PARD3B: variants seen among roughly 807,000 people sequenced by gnomAD.
PARD3B encodes partitioning defective 3 homolog B.
Under a neutral mutation model 130.2 loss-of-function variants are expected in PARD3B, and 103 were observed. The ratio of observed to expected loss-of-function variants is 0.79; its 90% CI spans 0.67 to 0.93. PARD3B has a LOEUF of 0.93. Ranked by LOEUF, PARD3B falls within the 40% of genes least tolerant of loss-of-function variation. The pLI is 0.00. For missense variants in PARD3B, 1,609 were observed against 1,499.2 expected, an observed-to-expected ratio of 1.07 and a Z score of -1.21; for synonymous variants, 583 against 553.2, an observed-to-expected ratio of 1.05 and a Z score of -0.76.
chr2:205,452,770 C>G (rs930321627), intron 20 of PARD3B, among the ~76,000 whole-genome samples: 4 of 152,100 alleles, frequency 2.6e-5, no homozygotes, highest in Admixed American at 1.3e-4. Flanking sequence ...CCAGGGGTGA[C>G]AGATGTAGAC....
chr2:205,077,570 T>G (rs951688703), intron 4 of PARD3B, among the ~76,000 whole-genome samples: 1 of 152,198 alleles, frequency 6.6e-6, no homozygotes, highest in South Asian at 2.1e-4. Flanking sequence ...TCTCTGTTAC[T>G]TGAAGAAGCC....
intron 22 of PARD3B, among the ~76,000 whole-genome samples, chr2:205,601,936 G>A (rs1208759359): frequency 1.3e-5 from 2 of 152,176 alleles, no homozygotes; most frequent in East Asian, 3.8e-4. Flanking sequence ...GTGAGAGGGG[G>A]CATCCTTGTC....
At chr2:204,772,632 CAGAT>C (rs2041436541) in intron 2 of PARD3B, among the ~76,000 whole-genome samples, 1 of 152,034 alleles carries the variant, frequency 6.6e-6, no homozygotes, top group Non-Finnish European at 1.5e-5. Context: ...GAAGCAGTAA[CAGAT>C]AGGATTTAGG....
chr2:205,608,524 G>A lies in PARD3B; in HGVS notation c.3261-6932G>A, dbSNP rs142128003. 3.3e-3 allele frequency among the ~76,000 whole-genome samples: 509 copies of A among 152,180 alleles called. 4 individuals are homozygous for A. Among genetic ancestry groups the A allele is most frequent in the African/African-American group, 0.011 (455 of 41,522 alleles). On this transcript the variant is annotated intron_variant, in intron 22 of 22. Coordinates refer to ENST00000406610, the MANE Select transcript of PARD3B (RefSeq NM_001302769.2). The stretch of plus-strand genomic sequence containing the variant: ...TTGCATGACTGTTTTTTGTGGCCGC[G>A]CAGGATAGCTTCTGCCTTCCCCAAG...
At chr2:204,716,668 G>A (rs993655074) in intron 2 of PARD3B, among the ~76,000 whole-genome samples, 1 of 148,574 alleles carries the variant, frequency 6.7e-6, no homozygotes, top group Non-Finnish European at 1.5e-5. Flanking sequence ...TGTCGCCCAG[G>A]CTGGAGTACA....
intron 2 of PARD3B, among the ~76,000 whole-genome samples, chr2:204,833,049 T>C (rs949279168): frequency 6.6e-6 from 1 of 152,184 alleles, no homozygotes; most frequent in African/African-American, 2.4e-5. Flanking sequence ...ATTTATAACA[T>C]TGAAAATACC....
At chr2:205,209,004 A>T (rs2037476369) in intron 15 of PARD3B, among the ~76,000 whole-genome samples, 1 of 126,262 alleles carries the variant, frequency 7.9e-6, no homozygotes, top group South Asian at 2.7e-4. Context: ...ACAGCATGGT[A>T]CTGGTACCAA....
chr2:205,156,298 A>G (rs1360982450), intron 10 of PARD3B, among the ~76,000 whole-genome samples: 15 of 150,908 alleles, frequency 9.9e-5, no homozygotes, highest in South Asian at 6.3e-4. Context: ...GCATTAGGAG[A>G]TATACCTAAT....
chr2:205,340,422 C>G (rs1511874), intron 18 of PARD3B, among the ~76,000 whole-genome samples: 90,295 of 151,834 alleles, frequency 0.59, 30,534 homozygotes, highest in South Asian at 0.77. Context: ...CAATGGAACA[C>G]AATAGAGAAC....
chr2:204,986,779 A>G (rs1012754916), intron 3 of PARD3B, among the ~76,000 whole-genome samples: 1 of 152,190 alleles, frequency 6.6e-6, no homozygotes, highest in Non-Finnish European at 1.5e-5. Flanking sequence ...CGCTTGATGG[A>G]CAGCATTCTT....
At chr2:204,874,814 A>G (rs2045771898) in intron 2 of PARD3B, among the ~76,000 whole-genome samples, 1 of 152,200 alleles carries the variant, frequency 6.6e-6, no homozygotes, top group African/African-American at 2.4e-5. Context: ...CTACAAGTGC[A>G]TATAAAAGGA....
intron 18 of PARD3B, among the ~76,000 whole-genome samples, chr2:205,335,997 A>G (rs1386480286): frequency 7.9e-5 from 12 of 152,310 alleles, no homozygotes; most frequent in African/African-American, 2.6e-4. Context: ...TTACAATTCA[A>G]GATGACATTT....
At chr2:204,564,043 G>C (rs1340129939) in intron 1 of PARD3B, among the ~76,000 whole-genome samples, 2 of 152,104 alleles carry the variant, frequency 1.3e-5, no homozygotes, top group Non-Finnish European at 2.9e-5. Flanking sequence ...CAAAGTGCTG[G>C]GATTGCAGGC....
intron 10 of PARD3B, among the ~76,000 whole-genome samples, chr2:205,145,896 G>C (rs1034160409): frequency 6.7e-6 from 1 of 150,356 alleles, no homozygotes; most frequent in Non-Finnish European, 1.5e-5. Flanking sequence ...CCCCATATGC[G>C]ATGGCTGAGA....
At position 205,268,280 on chromosome 2, in the gene PARD3B, AAGACAG is replaced by A. The variant is rs2040588237; in HGVS notation, c.2185+22460_2185+22465del. On this transcript the variant is annotated intron_variant, in intron 16 of 22. Coordinates refer to ENST00000406610, the MANE Select transcript of PARD3B (RefSeq NM_001302769.2). This position sits in a 1 kb window ranked among gnomAD's most constrained non-coding sequence, Gnocchi z 4.1. ...GCATTAGTGAAAGTAAATAAGCATGAAGACAGACTGATTAAGCTCACTCATATAATT... is the reference window on the plus strand; with the variant it reads ...GCATTAGTGAAAGTAAATAAGCATGAACTGATTAAGCTCACTCATATAATT... Among the ~76,000 whole-genome samples the A allele has an allele frequency of 6.6e-6, 1 of 152,258 alleles. No homozygotes were observed. Among genetic ancestry groups the A allele is most frequent in the Admixed American group, 6.5e-5 (1 of 15,288 alleles).
At chr2:205,471,525 C>T (rs2048834767) in intron 20 of PARD3B, among the ~76,000 whole-genome samples, 1 of 151,966 alleles carries the variant, frequency 6.6e-6, no homozygotes, top group Admixed American at 6.6e-5. Context: ...CCACGCCTGG[C>T]TAATTTCTTG....
intron 18 of PARD3B, among the ~76,000 whole-genome samples, chr2:205,350,103 T>C (rs1248106409): frequency 6.6e-6 from 1 of 152,186 alleles, no homozygotes; most frequent in East Asian, 1.9e-4. Flanking sequence ...GCCTCTGTTA[T>C]ATCAGAAAGA....
At chr2:204,879,795 A>G (rs556987701) in intron 2 of PARD3B, among the ~76,000 whole-genome samples, 2 of 152,312 alleles carry the variant, frequency 1.3e-5, no homozygotes, top group South Asian at 2.1e-4. Flanking sequence ...TGGCTAGCCA[A>G]ATTGTGTACT....
At chr2:204,553,069 C>CA (rs1410700405) in intron 1 of PARD3B, among the ~76,000 whole-genome samples, 1 of 151,626 alleles carries the variant, frequency 6.6e-6, no homozygotes, top group East Asian at 1.9e-4. Context: ...AGAAAAAAAC[C>CA]AAACAATCCC....
Sources: gnomAD v4.1 joint callset for allele counts (sites outside exome capture counted in the v4.1 genomes callset) on GRCh38, gnomAD v4.1.1 for gene constraint, Gnocchi (gnomAD v3.1) non-coding constraint, MANE v1.5 for transcripts, NCBI Gene and HGNC (gene_info 2026-07-23, HGNC 2026-07-21) for gene names.